Variants in SPHKAP observed in about 807,000 individuals in gnomAD.
SPHKAP encodes the protein A-kinase anchor protein SPHKAP.
Under a neutral mutation model 137.5 loss-of-function variants are expected in SPHKAP, and 67 were observed. That is an observed-to-expected ratio of 0.49 (90% CI 0.40 to 0.60). The LOEUF is 0.60. SPHKAP is among the 20% of genes least tolerant of loss of function. The pLI, the probability that SPHKAP is intolerant of heterozygous loss-of-function variation, is 0.00. For missense variants in SPHKAP, 2,097 were observed against 2,069.3 expected, an observed-to-expected ratio of 1.01 and a Z score of -0.26; for synonymous variants, 813 against 785.3, an observed-to-expected ratio of 1.04 and a Z score of -0.59.
intron 3 of SPHKAP, among the ~76,000 whole-genome samples, chr2:228,058,479 A>T (rs185855575): frequency 6.0e-4 from 92 of 152,254 alleles, no homozygotes; most frequent in Non-Finnish European, 1.1e-3. Context: ...ATTATAGCCA[A>T]ACCAGACCAA....
chr2:228,125,385 T>C (rs1318470015), intron 2 of SPHKAP, among the ~76,000 whole-genome samples: 1 of 152,216 alleles, frequency 6.6e-6, no homozygotes, highest in Admixed American at 6.5e-5. Context: ...TAAATAAAGA[T>C]TTCCCTTGTC....
intron 7 of SPHKAP, among the ~76,000 whole-genome samples, chr2:227,998,542 G>A (rs954482706): frequency 1.3e-5 from 2 of 152,144 alleles, no homozygotes; most frequent in African/African-American, 4.8e-5. Flanking sequence ...ATGCTGGATT[G>A]TTTTACTTCA....
chr2:228,035,948 A>C, intron 3 of SPHKAP, among the ~76,000 whole-genome samples: 1 of 150,986 alleles, frequency 6.6e-6, no homozygotes, highest in Non-Finnish European at 1.5e-5. Flanking sequence ...AACCTAGGCA[A>C]TACCATTCAG....
At chr2:228,131,716 G>A in intron 2 of SPHKAP, 1 of 901,070 alleles carries the variant, frequency 1.1e-6, no homozygotes. Flanking sequence ...TCATGGCTAA[G>A]TTTAAAAAGA....
chr2:228,044,761 A>G (rs1448017724), intron 3 of SPHKAP, among the ~76,000 whole-genome samples: 1 of 152,216 alleles, frequency 6.6e-6, no homozygotes, highest in Non-Finnish European at 1.5e-5. Flanking sequence ...GTTTCCTTTG[A>G]CAATGATGCT....
chr2:227,990,990 T>C lies in SPHKAP; in HGVS notation c.4959+10A>G. On this transcript the variant is annotated intron_variant, in intron 11 of 11. Transcript: ENST00000392056. Reference sequence around the variant, plus strand: ...AAGCTTTCTTGTTTTCCAAACCTGGTACATGATACCTTTTCAATTCTGTTT... The same window carrying C: ...AAGCTTTCTTGTTTTCCAAACCTGGCACATGATACCTTTTCAATTCTGTTT... The C allele has an allele frequency of 1.2e-6, 2 of 1,612,624 alleles. No individual in the cohort carries two copies. Among genetic ancestry groups the C allele is most frequent in the Non-Finnish European group, 1.7e-6 (2 of 1,178,918 alleles).
Position 228,035,142 on chromosome 2 carries a change from A to G in SPHKAP, c.247-7599T>C, listed in dbSNP as rs1695535531. On this transcript the variant is annotated intron_variant, in intron 3 of 11. Coordinates refer to ENST00000392056, the MANE Select transcript of SPHKAP (RefSeq NM_001142644.2). ...TATATCTAGAAAACCCCATTGTCTC[A>G]GCCCAAAATCTCCTTAAGCTGATAA... is the stretch of plus-strand genomic sequence containing the variant. Among the ~76,000 whole-genome samples, 5 of 147,314 alleles carry G rather than the reference A, an allele frequency of 3.4e-5. No individual in the cohort carries two copies. In the Admixed American group the frequency reaches 3.4e-4, roughly 10 times the overall value.
At chr2:228,075,464 C>T (rs1697150712) in intron 3 of SPHKAP, among the ~76,000 whole-genome samples, 1 of 152,042 alleles carries the variant, frequency 6.6e-6, no homozygotes, top group Non-Finnish European at 1.5e-5. Context: ...CCTTTCTCAG[C>T]ATTGCAAACC....
intron 2 of SPHKAP, among the ~76,000 whole-genome samples, chr2:228,113,747 T>C (rs1319263967): frequency 6.6e-6 from 1 of 151,742 alleles, no homozygotes; most frequent in Non-Finnish European, 1.5e-5. Flanking sequence ...TTGCCTTTGG[T>C]AAACAATTAA....
chr2:227,995,730 G>GCACA (rs34458152), intron 7 of SPHKAP, 36 bp from the exon 8 acceptor site: 301 of 1,455,074 alleles, frequency 2.1e-4, no homozygotes, highest in African/African-American at 5.0e-4. Flanking sequence ...AAGAGAGGCA[G>GCACA]CACACACACA....
chr2:228,072,151 C>T (rs1286157474), intron 3 of SPHKAP, among the ~76,000 whole-genome samples: 1 of 152,158 alleles, frequency 6.6e-6, no homozygotes, highest in Non-Finnish European at 1.5e-5. Context: ...TTTTGTCACT[C>T]CTTGTTCTCA....
At chr2:228,000,687 C>G (rs1207521736) in intron 7 of SPHKAP, among the ~76,000 whole-genome samples, 1 of 151,940 alleles carries the variant, frequency 6.6e-6, no homozygotes, top group Non-Finnish European at 1.5e-5. Context: ...ATAATATGCA[C>G]TTAAGGTTCC....
chr2:228,129,587 A>C (rs72967012), intron 2 of SPHKAP, among the ~76,000 whole-genome samples: 51,839 of 151,794 alleles, frequency 0.34, 9,103 homozygotes, highest in East Asian at 0.5. Flanking sequence ...TCTGTAAAAA[A>C]GACAATTCAA....
In SPHKAP at chr2:228,019,061, G is replaced by C; in HGVS notation, c.1793C>G (p.Ala598Gly). Residue 598 changes from alanine to glycine, a missense_variant, in exon 7 of 12, where the codon GCC becomes GGC. Coordinates refer to ENST00000392056, the MANE Select transcript of SPHKAP (RefSeq NM_001142644.2). ...SLPPAAEASE[A>G]MPPLCGLASM... ...TGCTAAACCACAAAGTGGGGGCATG[G>C]CTTCAGAAGCCTCAGCTGCAGGCGG... 6.2e-7 allele frequency: 1 copy of C among 1,614,156 alleles called. No individual in the cohort carries two copies. The highest frequency in any genetic ancestry group is 1.1e-5 in the South Asian group (1 of 91,082).
chr2:228,048,208 A>C (rs1268288327), intron 3 of SPHKAP, among the ~76,000 whole-genome samples: 1 of 152,180 alleles, frequency 6.6e-6, no homozygotes, highest in African/African-American at 2.4e-5. Flanking sequence ...AAAGATTTCC[A>C]CAAGGTTAGC....
chr2:228,014,211 CTT>C (rs1694483632), intron 7 of SPHKAP, among the ~76,000 whole-genome samples: 2 of 152,122 alleles, frequency 1.3e-5, no homozygotes, highest in African/African-American at 4.8e-5. Context: ...ACTAGCCACT[CTT>C]TGGTTAAAAA....
At chr2:228,158,006 A>C (rs893503000) in intron 1 of SPHKAP, among the ~76,000 whole-genome samples, 1 of 152,238 alleles carries the variant, frequency 6.6e-6, no homozygotes, top group African/African-American at 2.4e-5. Context: ...GCACAACAGC[A>C]TGTCAAGCTT....
intron 11 of SPHKAP, 72 bp downstream of exon 11, chr2:227,990,928 G>A: frequency 1.4e-6 from 2 of 1,475,274 alleles, no homozygotes; most frequent in Non-Finnish European, 1.9e-6. Context: ...GGGGTTTACT[G>A]AGCATTTACT....
rs1359828503 is a variant in SPHKAP at position 228,015,093 on chromosome 2, C to T, written c.4448+1313G>A. ...CCTCCCCCCTCCCCCACAACAGTCC[C>T]CAGAGTGTGATGTTCCCCTTCCTGT... On this transcript the variant is annotated intron_variant, in intron 7 of 11. Coordinates refer to ENST00000392056, the MANE Select transcript of SPHKAP (RefSeq NM_001142644.2). 2.8e-5 allele frequency among the ~76,000 whole-genome samples: 4 copies of T among 142,980 alleles called. No individual in the cohort carries two copies. In the East Asian group the frequency reaches 8.7e-4, roughly 31 times the overall value. The allele number at this position is 142,980 out of a possible 152,430, so 93.8% of individuals were successfully genotyped here. A position where few individuals can be genotyped will look rare whatever the true frequency, so the allele number is the denominator to read the frequency against.
Sources: allele counts gnomAD v4.1 joint callset (sites outside exome capture counted in the v4.1 genomes callset), GRCh38; gene constraint gnomAD v4.1.1; transcripts MANE v1.5; gene names NCBI Gene and HGNC (gene_info 2026-07-23, HGNC 2026-07-21).